The following PCDH17 variants were observed in gnomAD, a reference collection of about 807,000 sequenced individuals.
PCDH17 encodes protocadherin-17.
PCDH17 carries 21 observed loss-of-function variants against 67.7 expected under a neutral mutation model. The ratio of observed to expected loss-of-function variants is 0.31; its 90% CI spans 0.22 to 0.45. The LOEUF is 0.45. PCDH17 is among the 20% of genes least tolerant of loss of function. The pLI is 1.00. For synonymous variants in PCDH17, 701 were observed against 656.7 expected (o/e 1.07, Z -1.03); for missense variants, 1,471 against 1,564.8 (o/e 0.94, Z 1.01).
At chr13:57,635,319 TAA>T (rs1954808440) in intron 1 of PCDH17, among the ~76,000 whole-genome samples, 1 of 152,220 alleles carries the variant, frequency 6.6e-6, no homozygotes, top group Admixed American at 6.5e-5. Flanking sequence ...CTACCAAACG[TAA>T]ATATCTTACT....
chr13:57,720,628 A>G (rs1955864691), intron 3 of PCDH17, among the ~76,000 whole-genome samples: 1 of 152,072 alleles, frequency 6.6e-6, no homozygotes, highest in Non-Finnish European at 1.5e-5. Context: ...ATGTTCAGAA[A>G]TGCATAGGTT....
At chr13:57,647,648 TTTTG>T (rs763359162) in intron 1 of PCDH17, among the ~76,000 whole-genome samples, 4 of 151,944 alleles carry the variant, frequency 2.6e-5, no homozygotes, top group African/African-American at 4.8e-5. Flanking sequence ...GACAAGAAAC[TTTTG>T]TTTATTAGCT....
chr13:57,680,984 T>C (rs1239060194), intron 3 of PCDH17, among the ~76,000 whole-genome samples: 3 of 151,774 alleles, frequency 2.0e-5, no homozygotes, highest in African/African-American at 7.2e-5. Flanking sequence ...CTAGTAATAA[T>C]TGGTAATGTA....
intron 1 of PCDH17, among the ~76,000 whole-genome samples, chr13:57,655,994 C>T: frequency 6.6e-6 from 1 of 152,040 alleles, no homozygotes; most frequent in East Asian, 1.9e-4. Context: ...TGCTGGCAGG[C>T]TCTGGCAAGT....
rs1954734081 is a variant in PCDH17, at chr13:57,632,209, C to A, written c.-338C>A. 2.7e-6 allele frequency: 1 copy of A among 371,174 alleles called. No homozygotes were observed. The highest frequency in any genetic ancestry group is 4.5e-5 in the Admixed American group (1 of 22,134). 23.0% of individuals were successfully genotyped at this position (371,174 alleles called of 1,614,324 possible). A position where few individuals can be genotyped will look rare whatever the true frequency, so the allele number is the denominator to read the frequency against. ...ATTTCCTTCTTATCGCCTGCCTCAT[C>A]GCTCAAGTTTGAGCCTCCCGAAGTC... On this transcript the variant is annotated 5_prime_UTR_variant, in exon 1 of 4. Coordinates refer to ENST00000377918, the MANE Select transcript of PCDH17 (RefSeq NM_001040429.3).
rs190847232 is a variant in PCDH17, at chr13:57,657,678, G to C, written c.2566-8790G>C. 3.3e-3 allele frequency among the ~76,000 whole-genome samples: 510 copies of C among 152,278 alleles called. 1 individual carries two copies. Among genetic ancestry groups the C allele is most frequent in the African/African-American group, 0.012 (482 of 41,580 alleles). On this transcript the variant is annotated intron_variant, in intron 1 of 3. Coordinates refer to ENST00000377918, the MANE Select transcript of PCDH17 (RefSeq NM_001040429.3). ...GTGAAAAGCAGTGGCTTTGAATTAAGGCAAAAATTTGTTTTGTTTAGTTTT... is the reference window on the plus strand; with the variant it reads ...GTGAAAAGCAGTGGCTTTGAATTAACGCAAAAATTTGTTTTGTTTAGTTTT...
At position 57,632,888 on chromosome 13, in the gene PCDH17, G is replaced by A; in HGVS notation, c.342G>A (p.Glu114=). The A allele has an allele frequency of 6.2e-7, 1 of 1,614,076 alleles. No homozygotes were observed. Among genetic ancestry groups the A allele is most frequent in the Non-Finnish European group, 8.5e-7 (1 of 1,180,022 alleles). The change falls in exon 1 of 4, where the codon GAG becomes GAA. Residue 114 remains glutamate, a synonymous_variant. Coordinates refer to ENST00000377918, the MANE Select transcript of PCDH17 (RefSeq NM_001040429.3). The part of the protein sequence containing the change: ...LSLEVFANDK[E]ICMIKVEIQD... ...TCGAGGTGTTCGCCAACGACAAGGA[G>A]ATCTGCATGATCAAGGTAGAGATCC...
In PCDH17 at chr13:57,634,401, G is replaced by C; in HGVS notation, c.1855G>C (p.Glu619Gln). The C allele has an allele frequency of 6.2e-7, 1 of 1,612,786 alleles. No individual in the cohort carries two copies. Among genetic ancestry groups the C allele is most frequent in the South Asian group, 1.1e-5 (1 of 91,082 alleles). The change falls in exon 1 of 4, where the codon GAG becomes CAG. Residue 619 changes from glutamate (E) to glutamine (Q), a missense_variant. Glu to Gln is a conservative substitution (Grantham distance 29). Transcript: ENST00000377918. The surrounding 1 kb of genome is among the most constrained non-coding windows in gnomAD (Gnocchi z 7.8). The stretch of plus-strand genomic sequence containing the variant: ...GCGCGCCCTAGACAGCGACTTCGGC[G>C]AGAGCGGGCGTCTCACCTACGAGAT... ...TVRALDSDFG[E>Q]SGRLTYEIVD...
At chr13:57,686,671 GATATA>G (rs972939143) in intron 3 of PCDH17, among the ~76,000 whole-genome samples, 4 of 151,760 alleles carry the variant, frequency 2.6e-5, no homozygotes, top group African/African-American at 4.8e-5. Flanking sequence ...TTAGAGAAGA[GATATA>G]ATATAAAAAA....
At chr13:57,659,808 T>C (rs1223444596) in intron 1 of PCDH17, among the ~76,000 whole-genome samples, 1 of 152,210 alleles carries the variant, frequency 6.6e-6, no homozygotes, top group African/African-American at 2.4e-5. Context: ...GATCTAGCCA[T>C]GTTTCTTTCC....
At chr13:57,667,996 A>G (rs1388987137) in intron 3 of PCDH17, among the ~76,000 whole-genome samples, 1 of 151,298 alleles carries the variant, frequency 6.6e-6, no homozygotes, top group Non-Finnish European at 1.5e-5. Flanking sequence ...CCTCAGAAAA[A>G]GCTGTTTTCT....
chr13:57,725,541 G>GA lies in PCDH17; in HGVS notation c.*254dup, dbSNP rs929803968. 168 of 385,630 alleles carry GA rather than the reference G, an allele frequency of 4.4e-4. No individual in the cohort carries two copies. The highest frequency in any genetic ancestry group is 1.1e-3 in the East Asian group (26 of 23,982). 23.9% of individuals were successfully genotyped at this position (385,630 alleles called of 1,614,324 possible). On this transcript the variant is annotated 3_prime_UTR_variant, in exon 4 of 4. Coordinates refer to ENST00000377918, the MANE Select transcript of PCDH17 (RefSeq NM_001040429.3). Reference sequence around the variant, plus strand: ...GAATTAATGATGCTTAAAGAGAAAAGAAAAAAAGAGAGAAGAAAAAGGAGA... The same window carrying GA: ...GAATTAATGATGCTTAAAGAGAAAAGAAAAAAAAGAGAGAAGAAAAAGGAGA...
intron 1 of PCDH17, among the ~76,000 whole-genome samples, chr13:57,647,687 C>T (rs2137994452): frequency 6.6e-6 from 1 of 151,840 alleles, no homozygotes; most frequent in South Asian, 2.1e-4. Flanking sequence ...CTTCAATTTC[C>T]TTTAATTTAG....
chr13:57,661,679 A>G (rs1955185790), intron 1 of PCDH17, among the ~76,000 whole-genome samples: 1 of 152,122 alleles, frequency 6.6e-6, no homozygotes, highest in South Asian at 2.1e-4. Flanking sequence ...TCTAATGTGT[A>G]AGGTATAGAT....
Position 57,634,304 on chromosome 13 carries a change from C to A in PCDH17, c.1758C>A (p.Pro586=). Residue 586 remains proline (P), a synonymous_variant, in exon 1 of 4, where the codon CCC becomes CCA. Coordinates refer to ENST00000377918, the MANE Select transcript of PCDH17 (RefSeq NM_001040429.3). This position sits in a 1 kb window ranked among gnomAD's most constrained non-coding sequence, Gnocchi z 7.8. Reference sequence around the variant, plus strand: ...ACAACGCGCCAGTGATCGTGCTCCCCACGCTGCAGAACGACACCGCGGAGC... The same window carrying A: ...ACAACGCGCCAGTGATCGTGCTCCCAACGCTGCAGAACGACACCGCGGAGC... ...VNDNAPVIVL[P]TLQNDTAELQ... is the part of the protein sequence containing the mutation. The A allele has an allele frequency of 1.2e-6, 2 of 1,613,078 alleles. No individual in the cohort carries two copies. The highest frequency in any genetic ancestry group is 4.5e-5 in the East Asian group (2 of 44,830).
Position 57,633,332 on chromosome 13 carries a change from C to T in PCDH17, c.786C>T (p.Val262=), listed in dbSNP as rs142991646. Residue 262 remains valine (V), a synonymous_variant, in exon 1 of 4, where the codon GTC becomes GTT. Transcript: ENST00000377918. The surrounding 1 kb of genome is among the most constrained non-coding windows in gnomAD (Gnocchi z 6.2). The part of the protein sequence containing the change: ...LPENAPLGTV[V]IDLNATDADE... ...AGAACGCTCCGCTGGGTACAGTGGT[C>T]ATCGATCTGAACGCCACCGACGCCG... 152 of 1,613,262 alleles carry T rather than the reference C, an allele frequency of 9.4e-5. No individual in the cohort carries two copies. In the African/African-American group the frequency reaches 1.6e-3, roughly 17 times the overall value.
At chr13:57,671,831 C>T (rs1253881125) in intron 3 of PCDH17, among the ~76,000 whole-genome samples, 4 of 151,980 alleles carry the variant, frequency 2.6e-5, no homozygotes, top group East Asian at 1.9e-4. Flanking sequence ...CCAGAAGTGG[C>T]GGTGGGATCA....
rs1190939596 is a variant in PCDH17 at position 57,685,136 on chromosome 13, TA to T, written c.2797+18304del. On this transcript the variant is annotated intron_variant, in intron 3 of 3. Transcript: ENST00000377918. ...TCTTATTAAAATCTTCAAAGATAAA[TA>T]GATGTGATAGATAGTAATTAGTATG... 8.5e-5 allele frequency among the ~76,000 whole-genome samples: 13 copies of T among 152,056 alleles called. No homozygotes were observed. The South Asian group carries it at 2.7e-3, about 32-fold the overall frequency.
In PCDH17 at chr13:57,632,606, C is replaced by T. The variant is rs369098502; in HGVS notation, c.60C>T (p.Asn20=). The T allele has an allele frequency of 1.5e-4, 241 of 1,613,778 alleles. No homozygotes were observed. The highest frequency in any genetic ancestry group is 2.0e-4 in the Non-Finnish European group (237 of 1,179,982). ...LLWAPALTLK[N]LNYSVPEEQG... is the part of the protein sequence containing the mutation. ...GGGCCCCTGCCCTCACTCTCAAGAA[C>T]CTCAACTACTCCGTGCCGGAGGAGC... The change falls in exon 1 of 4, where the codon AAC becomes AAT. Residue 20 remains asparagine (N), a synonymous_variant. Transcript: ENST00000377918.
Sources: gnomAD v4.1 joint callset for allele counts (sites outside exome capture counted in the v4.1 genomes callset) on GRCh38, gnomAD v4.1.1 for gene constraint, Gnocchi (gnomAD v3.1) non-coding constraint, MANE v1.5 for transcripts, NCBI Gene and HGNC (gene_info 2026-07-23, HGNC 2026-07-21) for gene names.